Variants in HECW1 observed in about 807,000 individuals in gnomAD.
The protein encoded by HECW1 is E3 ubiquitin-protein ligase HECW1.
In HECW1, 61 loss-of-function variants were observed where a neutral mutation model predicts 182.3. The ratio of observed to expected loss-of-function variants is 0.33; its 90% CI spans 0.27 to 0.41. The LOEUF (loss-of-function observed/expected upper bound fraction) is 0.41. Ranked by LOEUF, HECW1 falls within the 10% of genes least tolerant of loss-of-function variation. HECW1 has a pLI of 1.00. For synonymous variants in HECW1, 859 were observed against 832.6 expected, an observed-to-expected ratio of 1.03 and a Z score of -0.55; for missense variants, 1,739 against 2,108.9, an observed-to-expected ratio of 0.82 and a Z score of 3.44.
At chr7:43,185,078 T>G (rs72585564) in intron 2 of HECW1, among the ~76,000 whole-genome samples, 2,715 of 152,160 alleles carry the variant, frequency 0.018, 75 homozygotes, top group East Asian at 0.15. Context: ...GAAATTTGTG[T>G]GGGGATGCAG....
intron 27 of HECW1, 141 bp downstream of exon 27, chr7:43,550,732 G>C (rs568342184): frequency 3.8e-6 from 3 of 780,566 alleles, no homozygotes; most frequent in Non-Finnish European, 4.1e-6. Flanking sequence ...TGGGCTCAGC[G>C]AGTGCTCCTC....
In HECW1 at chr7:43,421,266, C is replaced by T. The variant is rs1244470370; in HGVS notation, c.801+13535C>T. Among the ~76,000 whole-genome samples the T allele has an allele frequency of 2.0e-5, 3 of 152,258 alleles. No homozygotes were observed. In the East Asian group the frequency reaches 5.8e-4, roughly 29 times the overall value. On this transcript the variant is annotated intron_variant, in intron 8 of 29. Coordinates refer to ENST00000395891, the MANE Select transcript of HECW1 (RefSeq NM_015052.5). ...AAAAGAAAGAAACCTTGAATGCAGT[C>T]TCACAACATACACAGTCTATTCCAA...
intron 6 of HECW1, among the ~76,000 whole-genome samples, chr7:43,363,585 A>C (rs1434782360): frequency 6.6e-6 from 1 of 152,134 alleles, no homozygotes; most frequent in African/African-American, 2.4e-5. Context: ...GCCACCAGGG[A>C]CAAAGAGAGA....
In HECW1 at chr7:43,501,228, G is replaced by A. The variant is rs375910588; in HGVS notation, c.3537G>A (p.Glu1179=). The A allele has an allele frequency of 6.8e-5, 81 of 1,193,174 alleles. No homozygotes were observed. The highest frequency in any genetic ancestry group is 9.0e-5 in the Non-Finnish European group (74 of 819,316). 73.9% of individuals were successfully genotyped at this position (1,193,174 alleles called of 1,614,324 possible). The change falls in exon 21 of 30, where the codon GAG becomes GAA. Residue 1179 remains glutamate, a synonymous_variant. Transcript: ENST00000395891. ...TCATATGCAGTCTCTTTGAAGAAGA[G>A]ATTATGTCCTACGTCCCCCTGCAGG... is the stretch of plus-strand genomic sequence containing the variant. ...LVILLSLFEE[E]IMSYVPLQAA...
At chr7:43,196,641 A>C (rs67887362) in intron 2 of HECW1, among the ~76,000 whole-genome samples, 16,334 of 152,154 alleles carry the variant, frequency 0.11, 952 homozygotes, top group East Asian at 0.15. Flanking sequence ...CACACTTCTG[A>C]CCTGAGCGGG....
At chr7:43,541,113 A>C (rs1435794723) in intron 24 of HECW1, 50 bp from the exon 25 acceptor site, 1 of 1,389,420 alleles carries the variant, frequency 7.2e-7, no homozygotes, top group African/African-American at 1.4e-5. Context: ...TAAAATATTT[A>C]ACAATGTAAA....
intron 6 of HECW1, among the ~76,000 whole-genome samples, chr7:43,377,206 T>C (rs916750294): frequency 6.6e-6 from 1 of 152,174 alleles, no homozygotes; most frequent in African/African-American, 2.4e-5. Flanking sequence ...CCATACCAAC[T>C]ACCTTTTCAA....
Position 43,564,129 on chromosome 7 carries a change from A to T in HECW1, c.*2203A>T, listed in dbSNP as rs1448538436. Reference sequence around the variant, plus strand: ...TTCCAATGGAGCTATTGTTTTATTTATGAAATCAGAGCATAAGGACTATGC... The same window carrying T: ...TTCCAATGGAGCTATTGTTTTATTTTTGAAATCAGAGCATAAGGACTATGC... On this transcript the variant is annotated 3_prime_UTR_variant, in exon 30 of 30. Transcript: ENST00000395891. The T allele has an allele frequency of 5.2e-6, 1 of 190,724 alleles. No homozygotes were observed. Among genetic ancestry groups the T allele is most frequent in the Non-Finnish European group, 1.1e-5 (1 of 90,876 alleles). 11.8% of individuals were successfully genotyped at this position (190,724 alleles called of 1,614,324 possible). A position where few individuals can be genotyped will look rare whatever the true frequency, so the allele number is the denominator to read the frequency against.
In HECW1 at chr7:43,522,430, C is replaced by T. The variant is rs529883234; in HGVS notation, c.4019+13309C>T. 2.0e-5 allele frequency: 3 copies of T among 152,348 alleles called. No individual in the cohort carries two copies. The South Asian group carries it at 6.2e-4, about 32-fold the overall frequency. 9.4% of individuals were successfully genotyped at this position (152,348 alleles called of 1,614,324 possible). A position where few individuals can be genotyped will look rare whatever the true frequency, so the allele number is the denominator to read the frequency against. ...ATTTGCTTCCCAAGACAGTTGCCTC[C>T]TGGACTGAGTCAGAGGGAAAAGCTT... On this transcript the variant is annotated intron_variant, in intron 24 of 29. Coordinates refer to ENST00000395891, the MANE Select transcript of HECW1 (RefSeq NM_015052.5).
intron 2 of HECW1, among the ~76,000 whole-genome samples, chr7:43,165,884 G>A (rs1791063860): frequency 6.6e-6 from 1 of 152,170 alleles, no homozygotes; most frequent in Non-Finnish European, 1.5e-5. Context: ...GAGATTCTGA[G>A]TCCCAATGCA....
At chr7:43,351,151 C>T (rs1814384288) in intron 5 of HECW1, among the ~76,000 whole-genome samples, 1 of 152,192 alleles carries the variant, frequency 6.6e-6, no homozygotes, top group Non-Finnish European at 1.5e-5. Flanking sequence ...GGTCTAGCCA[C>T]CCAGCGAGTC....
At chr7:43,471,878 C>CT (rs1258655862) in intron 16 of HECW1, among the ~76,000 whole-genome samples, 2 of 152,116 alleles carry the variant, frequency 1.3e-5, no homozygotes, top group Non-Finnish European at 2.9e-5. Context: ...AAAAGCATGT[C>CT]TTTTTTTCAG....
At position 43,411,862 on chromosome 7, in the gene HECW1, C is replaced by G. The variant is rs59385606; in HGVS notation, c.801+4131C>G. On this transcript the variant is annotated intron_variant, in intron 8 of 29. Transcript: ENST00000395891. ...ACTTATAAAGTGCATTGCCTATGGACAGCATATTCTTCGGACTTAATTTCA... is the reference window on the plus strand; with the variant it reads ...ACTTATAAAGTGCATTGCCTATGGAGAGCATATTCTTCGGACTTAATTTCA... 3.5e-3 allele frequency among the ~76,000 whole-genome samples: 530 copies of G among 152,240 alleles called. 4 individuals are homozygous for G. The highest frequency in any genetic ancestry group is 0.012 in the African/African-American group (504 of 41,540).
At chr7:43,298,105 T>C (rs1170399088) in intron 3 of HECW1, among the ~76,000 whole-genome samples, 2 of 152,138 alleles carry the variant, frequency 1.3e-5, no homozygotes, top group South Asian at 4.1e-4. Context: ...CAATTTAGAT[T>C]GGATAGGACT....
At chr7:43,450,670 C>T (rs1413902512) in intron 11 of HECW1, among the ~76,000 whole-genome samples, 158 bp from the exon 12 acceptor site, 1 of 152,302 alleles carries the variant, frequency 6.6e-6, no homozygotes. Context: ...TCCCCCCTCA[C>T]GAATGACTGT....
chr7:43,390,610 C>G (rs2074991033), intron 6 of HECW1, among the ~76,000 whole-genome samples: 1 of 150,076 alleles, frequency 6.7e-6, no homozygotes, highest in African/African-American at 2.5e-5. Context: ...AAAAGAGATG[C>G]AAGCAGCCAG....
At chr7:43,129,898 T>A (rs1269438551) in intron 2 of HECW1, among the ~76,000 whole-genome samples, 1 of 152,232 alleles carries the variant, frequency 6.6e-6, no homozygotes, top group African/African-American at 2.4e-5. Context: ...ACAATGTGCA[T>A]GCTATGTAAA....
At chr7:43,205,977 C>G (rs1308295340) in intron 2 of HECW1, among the ~76,000 whole-genome samples, 1 of 152,280 alleles carries the variant, frequency 6.6e-6, no homozygotes, top group African/African-American at 2.4e-5. Context: ...CCCTCCCCAT[C>G]CAGGACACCC....
intron 24 of HECW1, among the ~76,000 whole-genome samples, chr7:43,516,313 G>A (rs1028621829): frequency 1.3e-5 from 2 of 152,168 alleles, no homozygotes; most frequent in African/African-American, 4.8e-5. Flanking sequence ...GGATGGTTGA[G>A]TGGAAGGATG....
Sources: allele counts gnomAD v4.1 joint callset (sites outside exome capture counted in the v4.1 genomes callset), GRCh38; gene constraint gnomAD v4.1.1; transcripts MANE v1.5; gene names NCBI Gene and HGNC (gene_info 2026-07-23, HGNC 2026-07-21).